TRAP1: variants seen among roughly 807,000 people sequenced by gnomAD.
The protein encoded by TRAP1 is TNF receptor associated protein 1.
In TRAP1, 102 loss-of-function variants were observed where a neutral mutation model predicts 89.1. That is an observed-to-expected ratio of 1.15 (90% CI 0.98 to 1.35). TRAP1 has a LOEUF of 1.35. Ranked by LOEUF, TRAP1 falls within the 40% of genes most tolerant of loss-of-function variation. The probability of loss-of-function intolerance (pLI) is 0.00; values close to 1 mark genes in which losing one functional copy is unlikely to be tolerated. For missense variants in TRAP1, 1,256 were observed against 945.3 expected, an observed-to-expected ratio of 1.33 and a Z score of -4.31; for synonymous variants, 508 against 388.0, an observed-to-expected ratio of 1.31 and a Z score of -3.64.
chr16:3,710,101 T>C (rs74392576), intron 1 of TRAP1, among the ~76,000 whole-genome samples: 2 of 152,362 alleles, frequency 1.3e-5, no homozygotes, highest in East Asian at 3.9e-4. Flanking sequence ...TACTATGATA[T>C]ACTGATACTT....
chr16:3,692,020 C>A (rs1276810316), intron 1 of TRAP1, among the ~76,000 whole-genome samples: 2 of 152,118 alleles, frequency 1.3e-5, no homozygotes, highest in African/African-American at 4.8e-5. Flanking sequence ...CGACCCAACA[C>A]CAACACCCAC....
At chr16:3,680,017 G>A (rs2051054062) in intron 4 of TRAP1, 1 of 496,032 alleles carries the variant, frequency 2.0e-6, no homozygotes, top group African/African-American at 1.9e-5. Context: ...ATCACTTGAG[G>A]CCAGGAGTTC....
chr16:3,709,620 G>T (rs1157765613), intron 1 of TRAP1, among the ~76,000 whole-genome samples: 1 of 151,718 alleles, frequency 6.6e-6, no homozygotes, highest in Admixed American at 6.6e-5. Context: ...ATTACACACG[G>T]TTCCTTCCCA....
At position 3,674,852 on chromosome 16, in the gene TRAP1, G is replaced by T. The variant is rs933677946; in HGVS notation, c.889-358C>A. On this transcript the variant is annotated intron_variant, in intron 8 of 17. Transcript: ENST00000246957. The stretch of plus-strand genomic sequence containing the variant: ...GCTGCACCGCAGCTGAGCCGCGAGG[G>T]GGAAGTCAGTCACTGAGGACAGCAT... The T allele has an allele frequency of 8.4e-6, 3 of 358,950 alleles. No individual in the cohort carries two copies. In the South Asian group the frequency reaches 1.0e-4, roughly 12 times the overall value. The allele number at this position is 358,950 out of a possible 1,614,324, so 22.2% of individuals were successfully genotyped here.
chr16:3,710,394 TTG>T (rs2051512732), intron 1 of TRAP1: 2 of 152,348 alleles, frequency 1.3e-5, no homozygotes, highest in Admixed American at 6.5e-5. Flanking sequence ...CAATGCAGTT[TTG>T]ATGTGGGGAC....
rs1004806987 is a variant in TRAP1, at chr16:3,694,060, G to C, written c.89-3075C>G. On this transcript the variant is annotated intron_variant, in intron 1 of 17. Coordinates refer to ENST00000246957, the MANE Select transcript of TRAP1 (RefSeq NM_016292.3). Reference sequence around the variant, plus strand: ...AGCGGTGCTTCCCACTGGAGGTGCCGAGGGAGAGTCCATCCCGCACCTCTC... The same window carrying C: ...AGCGGTGCTTCCCACTGGAGGTGCCCAGGGAGAGTCCATCCCGCACCTCTC... Among the ~76,000 whole-genome samples, 4 of 151,120 alleles carry C rather than the reference G, an allele frequency of 2.6e-5. No individual in the cohort carries two copies. In the South Asian group the frequency reaches 8.3e-4, roughly 32 times the overall value.
At chr16:3,709,227 C>CAAAAAA (rs58859365) in intron 1 of TRAP1, among the ~76,000 whole-genome samples, 93 of 81,802 alleles carry the variant, frequency 1.1e-3, no homozygotes, top group Middle Eastern at 6.3e-3. Context: ...AACTCCATCT[C>CAAAAAA]AAAAAAAAAA....
At chr16:3,704,811 C>G (rs1211740251) in intron 1 of TRAP1, among the ~76,000 whole-genome samples, 1 of 151,904 alleles carries the variant, frequency 6.6e-6, no homozygotes, top group African/African-American at 2.4e-5. Flanking sequence ...GCCAGGAGTT[C>G]TAGACCAGCC....
chr16:3,682,112 T>G (rs192803197), intron 4 of TRAP1, among the ~76,000 whole-genome samples: 7 of 152,264 alleles, frequency 4.6e-5, no homozygotes, highest in Admixed American at 4.6e-4. Flanking sequence ...TGGGGGATGA[T>G]AGGTCTATTA....
intron 1 of TRAP1, among the ~76,000 whole-genome samples, chr16:3,692,150 G>A (rs1274802702): frequency 1.3e-5 from 2 of 152,156 alleles, no homozygotes; most frequent in African/African-American, 2.4e-5. Context: ...TAAATGAACC[G>A]CATCTAACTG....
chr16:3,663,259 G>A, intron 14 of TRAP1, 165 bp downstream of exon 14: 2 of 892,000 alleles, frequency 2.2e-6, no homozygotes, highest in Non-Finnish European at 3.3e-6. Context: ...TCTAAACCAG[G>A]AGGCACCTTC....
At chr16:3,669,501 C>T (rs919431900) in intron 11 of TRAP1, among the ~76,000 whole-genome samples, 2 of 152,054 alleles carry the variant, frequency 1.3e-5, no homozygotes, top group African/African-American at 4.8e-5. Context: ...GTAACCCCAC[C>T]CCTAGTATTC....
rs774285204 is a variant in TRAP1 at position 3,665,995 on chromosome 16, C to G, written c.1359G>C (p.Val453=). Residue 453 remains valine (V), a synonymous_variant, in exon 12 of 18, where the codon GTG becomes GTC. Transcript: ENST00000246957. ...DYGLFMREGI[V]TATEQEVKED... The stretch of plus-strand genomic sequence containing the variant: ...CCTTGACCTCCTGCTCGGTGGCGGT[C>G]ACAATGCCCTCCCGCATGAACAGGC... 5 of 1,613,876 alleles carry G rather than the reference C, an allele frequency of 3.1e-6. No homozygotes were observed. The African/African-American group carries it at 6.7e-5, about 22-fold the overall frequency.
intron 11 of TRAP1, among the ~76,000 whole-genome samples, chr16:3,668,076 T>C (rs1275338046): frequency 1.3e-5 from 2 of 151,992 alleles, no homozygotes; most frequent in Non-Finnish European, 2.9e-5. Context: ...TACACCTGCC[T>C]GCCACCACGA....
chr16:3,697,366 A>T (rs2051302783), intron 1 of TRAP1, among the ~76,000 whole-genome samples: 1 of 152,030 alleles, frequency 6.6e-6, no homozygotes, highest in Non-Finnish European at 1.5e-5. Flanking sequence ...AGCTTTTTAT[A>T]TATTAAGGAA....
chr16:3,663,277 C>T, intron 14 of TRAP1, 147 bp downstream of exon 14: 1 of 1,054,308 alleles, frequency 9.5e-7, no homozygotes, highest in Middle Eastern at 3.0e-4. Context: ...TTCCTCCAGT[C>T]ACCAGGGTGC....
intron 1 of TRAP1, among the ~76,000 whole-genome samples, chr16:3,698,014 T>C (rs1366103741): frequency 3.3e-5 from 5 of 151,976 alleles, no homozygotes; most frequent in African/African-American, 1.2e-4. Context: ...GGTTTCACCA[T>C]GTTGGCCAGG....
At chr16:3,685,482 C>A (rs1199914633) in intron 4 of TRAP1, among the ~76,000 whole-genome samples, 1 of 152,066 alleles carries the variant, frequency 6.6e-6, no homozygotes, top group African/African-American at 2.4e-5. Flanking sequence ...GAGACAGACA[C>A]CCCCGCAATG....
At chr16:3,690,405 C>T (rs1481084834) in intron 2 of TRAP1, among the ~76,000 whole-genome samples, 1 of 152,190 alleles carries the variant, frequency 6.6e-6, no homozygotes, top group African/African-American at 2.4e-5. Flanking sequence ...CTACTCTTGT[C>T]GACCCACTTA....
Sources: allele counts gnomAD v4.1 joint callset (sites outside exome capture counted in the v4.1 genomes callset), GRCh38; gene constraint gnomAD v4.1.1; transcripts MANE v1.5; gene names NCBI Gene and HGNC (gene_info 2026-07-23, HGNC 2026-07-21).